The following BNC1 variants were observed in gnomAD, a reference collection of about 807,000 sequenced individuals.
BNC1 encodes zinc finger protein basonuclin-1.
In BNC1, 8 loss-of-function variants were observed where a neutral mutation model predicts 66.5. The ratio of observed to expected loss-of-function variants is 0.12; its 90% CI spans 0.07 to 0.22. The LOEUF is 0.22. BNC1 is among the 10% of genes least tolerant of loss of function. BNC1 has a pLI of 1.00. For missense variants in BNC1, 1,069 were observed against 1,241.3 expected (o/e 0.86, Z 2.09); for synonymous variants, 454 against 452.6 (o/e 1.00, Z -0.04).
At chr15:83,272,979 TG>T (rs562401451) in intron 1 of BNC1, among the ~76,000 whole-genome samples, 60 of 150,738 alleles carry the variant, frequency 4.0e-4, no homozygotes, top group South Asian at 1.3e-3. Flanking sequence ...CAAATGCCCT[TG>T]GGGGGGGGCC....
At chr15:83,269,663 C>G (rs930647702) in intron 1 of BNC1, among the ~76,000 whole-genome samples, 2 of 152,138 alleles carry the variant, frequency 1.3e-5, no homozygotes, top group Non-Finnish European at 2.9e-5. Flanking sequence ...GGAAAACATT[C>G]TGGCAGTTCC....
chr15:83,280,061 T>G (rs926379701), intron 1 of BNC1, among the ~76,000 whole-genome samples: 8 of 152,226 alleles, frequency 5.3e-5, no homozygotes, highest in Non-Finnish European at 1.2e-4. Context: ...TGAATCAAAG[T>G]ATAAACTGTG....
At chr15:83,283,368 A>C (rs1228492459) in intron 1 of BNC1, 5 of 1,367,314 alleles carry the variant, frequency 3.7e-6, no homozygotes, top group Non-Finnish European at 4.7e-6. Context: ...GCTCCGGAGG[A>C]GCAGCGGGAG....
Position 83,264,078 on chromosome 15 carries a change from C to T in BNC1, c.1173G>A (p.Gly391=), listed in dbSNP as rs773008885. The change falls in exon 4 of 5, where the codon GGG becomes GGA. Residue 391 remains glycine (G), a synonymous_variant. Coordinates refer to ENST00000345382, the MANE Select transcript of BNC1 (RefSeq NM_001717.4). ...LKIKHKCTIE[G]CNMVFSSLRS... ...TTAGGGAGCTGAACACCATGTTACA[C>T]CCTTCGATGGTGCACTTATGCTTGA... 6.8e-6 allele frequency: 11 copies of T among 1,614,030 alleles called. No individual in the cohort carries two copies. In the Admixed American group the frequency reaches 1.8e-4, roughly 27 times the overall value.
At chr15:83,274,701 T>C (rs2038302729) in intron 1 of BNC1, among the ~76,000 whole-genome samples, 3 of 152,256 alleles carry the variant, frequency 2.0e-5, no homozygotes, top group African/African-American at 2.4e-5. Context: ...GGTCACGCAG[T>C]TGGTGAGCCT....
rs920042085 is a variant in BNC1, at chr15:83,263,515, G to A, written c.1736C>T (p.Ala579Val). Residue 579 changes from alanine to valine, a missense_variant, in exon 4 of 5, where the codon GCC becomes GTC. Coordinates refer to ENST00000345382, the MANE Select transcript of BNC1 (RefSeq NM_001717.4). ...LQVVSEDEQEACSPQSHRVSE... is the reference protein window; with the variant it reads ...LQVVSEDEQEVCSPQSHRVSE... ...TACTCTGTGTGACTGAGGACTGCAG[G>A]CCTCCTGCTCATCTTCACTGACCAC... 6.2e-7 allele frequency: 1 copy of A among 1,614,238 alleles called. No homozygotes were observed. Among genetic ancestry groups the A allele is most frequent in the East Asian group, 2.2e-5 (1 of 44,890 alleles).
intron 1 of BNC1, among the ~76,000 whole-genome samples, chr15:83,281,595 T>C (rs765155935): frequency 2.2e-4 from 33 of 152,248 alleles, no homozygotes; most frequent in Non-Finnish European, 4.1e-4. Flanking sequence ...TAATTTACCC[T>C]GTGGAACCTT....
Position 83,263,981 on chromosome 15 carries a change from T to C in BNC1, c.1270A>G (p.Lys424Glu). The C allele has an allele frequency of 4.3e-6, 7 of 1,614,206 alleles. No individual in the cohort carries two copies. Among genetic ancestry groups the C allele is most frequent in the Non-Finnish European group, 5.1e-6 (6 of 1,180,042 alleles). The change falls in exon 4 of 5, where the codon AAA (lysine) becomes GAA (glutamate). Residue 424 changes from lysine (K) to glutamate (E), a missense_variant. Coordinates refer to ENST00000345382, the MANE Select transcript of BNC1 (RefSeq NM_001717.4). Reference sequence around the variant, plus strand: ...AGGTTCAGGCTGTTCCTGAGGTCTTTGTCCCGGTTATTTCTGTTCATTGGC... The same window carrying C: ...AGGTTCAGGCTGTTCCTGAGGTCTTCGTCCCGGTTATTTCTGTTCATTGGC... ...HMPMNRNNRDKDLRNSLNLAS... is the reference protein window; with the variant it reads ...HMPMNRNNRDEDLRNSLNLAS...
chr15:83,271,934 G>A (rs2038273435), intron 1 of BNC1, among the ~76,000 whole-genome samples: 1 of 152,156 alleles, frequency 6.6e-6, no homozygotes, highest in African/African-American at 2.4e-5. Context: ...GTGAGTGATG[G>A]TTGAATTTAC....
chr15:83,270,393 G>A (rs551408317), intron 1 of BNC1, among the ~76,000 whole-genome samples: 43 of 152,236 alleles, frequency 2.8e-4, no homozygotes, highest in Admixed American at 9.8e-4. Context: ...CTTGTTTAAT[G>A]TTTTAAGAAA....
intron 1 of BNC1, among the ~76,000 whole-genome samples, chr15:83,270,204 C>G (rs1167146464): frequency 6.6e-6 from 1 of 152,184 alleles, no homozygotes; most frequent in Non-Finnish European, 1.5e-5. Context: ...ATAACTCACC[C>G]ATTTAAGGTG....
intron 3 of BNC1, among the ~76,000 whole-genome samples, chr15:83,266,216 G>T (rs1448245851): frequency 7.4e-6 from 1 of 134,378 alleles, no homozygotes; most frequent in African/African-American, 2.7e-5. Flanking sequence ...CTGGAGAAAA[G>T]AAGAGAATAT....
chr15:83,272,063 T>C (rs1381743931), intron 1 of BNC1, among the ~76,000 whole-genome samples: 3 of 152,250 alleles, frequency 2.0e-5, no homozygotes, highest in African/African-American at 4.8e-5. Context: ...AGCTCACGGA[T>C]GAACCAATTA....
chr15:83,283,744 C>A (rs1451259481), intron 1 of BNC1, among the ~76,000 whole-genome samples: 1 of 152,238 alleles, frequency 6.6e-6, no homozygotes, highest in Admixed American at 6.5e-5. Flanking sequence ...CGGGCCACCT[C>A]GCGCGGAGCC....
At position 83,263,553 on chromosome 15, in the gene BNC1, G is replaced by A. The variant is rs1305752553; in HGVS notation, c.1698C>T (p.Asp566=). ...CTTCACTGACCACCTGTAGGGGCAT[G>A]TCTTCATCTGAGCTGAGGTTGTGTC... is the stretch of plus-strand genomic sequence containing the variant. ...EKRHNLSSDE[D]MPLQVVSEDE... Residue 566 remains aspartate, a synonymous_variant, in exon 4 of 5, where the codon GAC becomes GAT. Transcript: ENST00000345382. 1 of 1,614,230 alleles carries A rather than the reference G, an allele frequency of 6.2e-7. No homozygotes were observed. The highest frequency in any genetic ancestry group is 1.3e-5 in the African/African-American group (1 of 75,046).
intron 1 of BNC1, among the ~76,000 whole-genome samples, chr15:83,274,813 C>T (rs921486631): frequency 1.3e-5 from 2 of 152,142 alleles, no homozygotes; most frequent in Admixed American, 6.5e-5. Context: ...ATTACTATCC[C>T]GATTTTATAG....
Position 83,268,227 on chromosome 15 carries a change from G to T in BNC1, c.105C>A (p.Ile35=). 1.2e-6 allele frequency: 2 copies of T among 1,613,576 alleles called. No homozygotes were observed. The highest frequency in any genetic ancestry group is 1.7e-6 in the Non-Finnish European group (2 of 1,179,526). Residue 35 remains isoleucine (I), a synonymous_variant, in exon 2 of 5, where the codon ATC becomes ATA. Coordinates refer to ENST00000345382, the MANE Select transcript of BNC1 (RefSeq NM_001717.4). The part of the protein sequence containing the change: ...HRSGRRMAEA[I]SCTLNCSCQS... ...GGCAACTACAGTTCAGAGTACAGCT[G>T]ATAGCCTGAAAAAGAGGAGAAAACA... is the stretch of plus-strand genomic sequence containing the variant.
chr15:83,268,453 G>T (rs1567193806), intron 1 of BNC1, among the ~76,000 whole-genome samples: 1 of 152,154 alleles, frequency 6.6e-6, no homozygotes, highest in Non-Finnish European at 1.5e-5. Context: ...CCACATTCAA[G>T]AATGAGTTTA....
intron 1 of BNC1, among the ~76,000 whole-genome samples, chr15:83,276,434 A>G (rs2038324579): frequency 6.6e-6 from 1 of 152,252 alleles, no homozygotes; most frequent in Admixed American, 6.5e-5. Flanking sequence ...TAAACGAATG[A>G]TTGAACAAAT....
Sources: allele counts gnomAD v4.1 joint callset (sites outside exome capture counted in the v4.1 genomes callset), GRCh38; gene constraint gnomAD v4.1.1; transcripts MANE v1.5; gene names NCBI Gene and HGNC (gene_info 2026-07-23, HGNC 2026-07-21).